Variants in ENTPD1 observed in about 807,000 individuals in gnomAD.
ENTPD1 encodes ATP diphosphohydrolase.
A neutral mutation model predicts 57.0 loss-of-function variants in ENTPD1; 33 were observed. That is an observed-to-expected ratio of 0.58 (90% CI 0.44 to 0.77). The LOEUF (loss-of-function observed/expected upper bound fraction) is 0.77. ENTPD1 is among the 30% of genes least tolerant of loss of function. The pLI, the probability that ENTPD1 is intolerant of heterozygous loss-of-function variation, is 0.00. For synonymous variants in ENTPD1, 202 were observed against 218.8 expected, an observed-to-expected ratio of 0.92 and a Z score of 0.68; for missense variants, 501 against 603.4, an observed-to-expected ratio of 0.83 and a Z score of 1.78.
intron 4 of ENTPD1, among the ~76,000 whole-genome samples, chr10:95,843,720 G>A (rs2098427162): frequency 6.6e-6 from 1 of 152,184 alleles, no homozygotes; most frequent in Non-Finnish European, 1.5e-5. Flanking sequence ...AAGATGGATT[G>A]GAGGGGAGAA....
chr10:95,767,640 G>T (rs941431815), intron 1 of ENTPD1, among the ~76,000 whole-genome samples: 2 of 151,160 alleles, frequency 1.3e-5, no homozygotes, highest in African/African-American at 4.9e-5. Context: ...CCATTCTTGG[G>T]ACCCTAATCT....
At chr10:95,821,006 T>A (rs1007259855) in intron 1 of ENTPD1, among the ~76,000 whole-genome samples, 1 of 152,230 alleles carries the variant, frequency 6.6e-6, no homozygotes, top group African/African-American at 2.4e-5. Flanking sequence ...AGTAAAACAT[T>A]CAAAATTTTA....
chr10:95,713,033 T>TTAAGAAAA (rs1555272408), intron 1 of ENTPD1, among the ~76,000 whole-genome samples: 1 of 143,018 alleles, frequency 7.0e-6, no homozygotes. Context: ...GATTCTGTCT[T>TTAAGAAAA]AAAAAAAAAA....
At chr10:95,788,196 T>G (rs1377245947) in intron 1 of ENTPD1, among the ~76,000 whole-genome samples, 1 of 152,154 alleles carries the variant, frequency 6.6e-6, no homozygotes, top group African/African-American at 2.4e-5. Context: ...ACCAGACACA[T>G]GGCCTCAATT....
intron 1 of ENTPD1, among the ~76,000 whole-genome samples, chr10:95,719,138 G>A (rs185149485): frequency 4.6e-5 from 7 of 152,274 alleles, no homozygotes; most frequent in Admixed American, 1.3e-4. Flanking sequence ...ACCACTACCC[G>A]TAAACAATGA....
intron 1 of ENTPD1, among the ~76,000 whole-genome samples, chr10:95,764,059 A>C (rs1351896689): frequency 2.0e-5 from 3 of 152,198 alleles, no homozygotes; most frequent in Non-Finnish European, 4.4e-5. Context: ...GTTTTAGTAT[A>C]TTCACAGGAT....
chr10:95,763,058 A>G (rs987937029), intron 1 of ENTPD1, among the ~76,000 whole-genome samples: 19 of 152,148 alleles, frequency 1.2e-4, no homozygotes, highest in African/African-American at 4.3e-4. Flanking sequence ...TTTTCCTGCC[A>G]TACTTATAAT....
chr10:95,774,923 G>A (rs1291765934), intron 1 of ENTPD1, among the ~76,000 whole-genome samples: 1 of 152,198 alleles, frequency 6.6e-6, no homozygotes, highest in Non-Finnish European at 1.5e-5. Flanking sequence ...ACCTTGGGCA[G>A]TATGGCCATT....
the ENTPD1 span, among the ~76,000 whole-genome samples, chr10:95,703,648 G>T: frequency 6.6e-6 from 1 of 152,062 alleles, no homozygotes; most frequent in Non-Finnish European, 1.5e-5. Flanking sequence ...CAGGCGTGGT[G>T]GCAGGCGCCT....
Position 95,845,406 on chromosome 10 carries a change from C to A in ENTPD1, c.623C>A (p.Thr208Asn), listed in dbSNP as rs776491594. 5.3e-5 allele frequency: 85 copies of A among 1,614,082 alleles called. 1 individual carries two copies. The South Asian group carries it at 8.8e-4, about 17-fold the overall frequency. Reference protein sequence around the residue: ...IVPYETNNQETFGALDLGGAS... With the variant: ...IVPYETNNQENFGALDLGGAS... ...CCATATGAAACCAATAATCAGGAAA[C>A]CTTTGGAGCTTTGGACCTTGGGGGA... is the stretch of plus-strand genomic sequence containing the variant. Residue 208 changes from threonine to asparagine, a missense_variant, in exon 6 of 10, where the codon ACC becomes AAC. Physicochemically the swap from Thr to Asn is moderately conservative, Grantham distance 65. Coordinates refer to ENST00000371205, the MANE Select transcript of ENTPD1 (RefSeq NM_001776.6).
At chr10:95,861,751 C>A (rs2098465695) in intron 8 of ENTPD1, 1 of 152,036 alleles carries the variant, frequency 6.6e-6, no homozygotes, top group African/African-American at 2.4e-5. Flanking sequence ...CAGATTTAGG[C>A]TGCTCTTTGA....
upstream of ENTPD1, among the ~76,000 whole-genome samples, chr10:95,752,144 G>T (rs11188469): frequency 0.073 from 11,130 of 152,134 alleles, 443 homozygotes; most frequent in African/African-American, 0.097. Context: ...CACAAAAATT[G>T]GTCTTTGCTT....
chr10:95,791,102 T>G lies in ENTPD1; in HGVS notation c.17-32135T>G, dbSNP rs2098201940. On this transcript the variant is annotated intron_variant, in intron 1 of 9. Transcript: ENST00000371205. The surrounding 1 kb of genome is among the most constrained non-coding windows in gnomAD (Gnocchi z 4.1). ...ATACACACAAGGTGAGATTCCTGAC[T>G]TGGAGGTAGTTCATGGGAAGATCTG... is the stretch of plus-strand genomic sequence containing the variant. Among the ~76,000 whole-genome samples the G allele has an allele frequency of 6.6e-6, 1 of 152,198 alleles. No individual in the cohort carries two copies. The highest frequency in any genetic ancestry group is 2.4e-5 in the African/African-American group (1 of 41,452).
chr10:95,767,177 G>A (rs977016869), intron 1 of ENTPD1, among the ~76,000 whole-genome samples: 22 of 151,576 alleles, frequency 1.5e-4, no homozygotes, highest in Admixed American at 1.1e-3. Flanking sequence ...TTAGCCGGGC[G>A]TGGTGGTGGG....
At position 95,775,810 on chromosome 10, in the gene ENTPD1, A is replaced by T. The variant is rs186037707; in HGVS notation, c.16+19555A>T. ...TAGGTCTCTAAGGACTCGCTTTATG[A>T]ATCTGGGTGCTCCTGTATTGGGTGC... On this transcript the variant is annotated intron_variant, in intron 1 of 9. Transcript: ENST00000371205. 2.7e-3 allele frequency among the ~76,000 whole-genome samples: 409 copies of T among 152,260 alleles called. 1 individual carries two copies. Among genetic ancestry groups the T allele is most frequent in the Non-Finnish European group, 4.4e-3 (297 of 68,010 alleles).
chr10:95,781,226 A>T (rs2098156356), intron 1 of ENTPD1, among the ~76,000 whole-genome samples: 1 of 152,060 alleles, frequency 6.6e-6, no homozygotes, highest in Non-Finnish European at 1.5e-5. Flanking sequence ...ACTGAGAGAG[A>T]GTAGAAGGAT....
At chr10:95,702,250 A>G in the ENTPD1 span, among the ~76,000 whole-genome samples, 1 of 152,020 alleles carries the variant, frequency 6.6e-6, no homozygotes, top group Admixed American at 6.5e-5. Flanking sequence ...TGATTAATAT[A>G]CATTCAGTAA....
intron 2 of ENTPD1, among the ~76,000 whole-genome samples, chr10:95,828,764 G>A (rs189384004): frequency 1.1e-3 from 169 of 148,264 alleles, no homozygotes; most frequent in African/African-American, 3.9e-3. Flanking sequence ...AGGCTGGAGC[G>A]CAGTGGCATG....
At chr10:95,859,921 T>TA (rs1656526767) in intron 7 of ENTPD1, among the ~76,000 whole-genome samples, 1 of 152,276 alleles carries the variant, frequency 6.6e-6, no homozygotes, top group African/African-American at 2.4e-5. Context: ...TAATGATTTT[T>TA]AAAAAATTTC....
Sources: gnomAD v4.1 joint callset for allele counts (sites outside exome capture counted in the v4.1 genomes callset) on GRCh38, gnomAD v4.1.1 for gene constraint, Gnocchi (gnomAD v3.1) non-coding constraint, MANE v1.5 for transcripts, NCBI Gene and HGNC (gene_info 2026-07-23, HGNC 2026-07-21) for gene names.